CALD1: variants seen among roughly 807,000 people sequenced by gnomAD.
CALD1 encodes caldesmon 1.
In CALD1, 33 loss-of-function variants were observed where a neutral mutation model predicts 99.9. The observed-to-expected ratio is 0.33, with a 90% CI of 0.25 to 0.44. The LOEUF is 0.44. Among genes scored for constraint, CALD1 ranks in the 20% least tolerant of loss-of-function variants. The pLI is 1.00. For missense variants in CALD1, 861 were observed against 962.1 expected, an observed-to-expected ratio of 0.89 and a Z score of 1.39; for synonymous variants, 310 against 325.0, an observed-to-expected ratio of 0.95 and a Z score of 0.50.
the CALD1 span, among the ~76,000 whole-genome samples, chr7:134,735,722 G>A: frequency 2.0e-5 from 3 of 152,172 alleles, no homozygotes; most frequent in Admixed American, 6.5e-5. Context: ...TCCTATTGCC[G>A]TAAGGGCAAT....
chr7:134,775,313 T>C (rs7785629), upstream of CALD1, among the ~76,000 whole-genome samples: 88,880 of 152,068 alleles, frequency 0.58, 27,104 homozygotes, highest in East Asian at 0.88. Context: ...ATTAGAATTG[T>C]TCTATAAAAA....
chr7:134,818,462 T>G (rs1259013642), intron 1 of CALD1, among the ~76,000 whole-genome samples: 2 of 152,226 alleles, frequency 1.3e-5, no homozygotes, highest in East Asian at 1.9e-4. Flanking sequence ...ATTTTTCATT[T>G]ACTTCTCTGT....
Position 134,969,308 on chromosome 7 carries a change from A to G in CALD1, c.*963A>G, listed in dbSNP as rs1159858439. The G allele has an allele frequency of 6.6e-6, 1 of 152,226 alleles. No individual in the cohort carries two copies. The highest frequency in any genetic ancestry group is 2.4e-5 in the African/African-American group (1 of 41,458). 9.4% of individuals were successfully genotyped at this position (152,226 alleles called of 1,614,324 possible). A position where few individuals can be genotyped will look rare whatever the true frequency, so the allele number is the denominator to read the frequency against. ...AAGGAGTTGAAATTTTCTAAAAGACATAGTATTTAGTTTATAATTAAATGC... is the reference window on the plus strand; with the variant it reads ...AAGGAGTTGAAATTTTCTAAAAGACGTAGTATTTAGTTTATAATTAAATGC... On this transcript the variant is annotated 3_prime_UTR_variant, in exon 15 of 15. Coordinates refer to ENST00000361675, the MANE Select transcript of CALD1 (RefSeq NM_033138.4).
At chr7:134,881,925 G>A in intron 3 of CALD1, among the ~76,000 whole-genome samples, 1 of 152,154 alleles carries the variant, frequency 6.6e-6, no homozygotes, top group Admixed American at 6.6e-5. Context: ...CCAATCAGAA[G>A]GAAACTGTGC....
At chr7:134,816,135 A>AC (rs1400464442) in intron 1 of CALD1, among the ~76,000 whole-genome samples, 1 of 152,174 alleles carries the variant, frequency 6.6e-6, no homozygotes. Context: ...CAGCTTTAAA[A>AC]TTTTATTTTT....
At chr7:134,794,977 T>G (rs1254740252) in intron 1 of CALD1, among the ~76,000 whole-genome samples, 2 of 152,144 alleles carry the variant, frequency 1.3e-5, no homozygotes, top group Non-Finnish European at 2.9e-5. Flanking sequence ...AACTTGAAAA[T>G]GAGAAAGGAA....
At chr7:134,939,954 ACT>A (rs1257107158) in intron 6 of CALD1, among the ~76,000 whole-genome samples, 1 of 151,568 alleles carries the variant, frequency 6.6e-6, no homozygotes, top group African/African-American at 2.4e-5. Flanking sequence ...ACAGAGCAAG[ACT>A]CTGTCTCTTA....
intron 1 of CALD1, among the ~76,000 whole-genome samples, chr7:134,793,319 A>G (rs973730409): frequency 6.6e-6 from 1 of 152,098 alleles, no homozygotes; most frequent in Admixed American, 6.5e-5. Context: ...GCCTACACAT[A>G]TTTGCGCTCT....
intron 1 of CALD1, among the ~76,000 whole-genome samples, chr7:134,765,283 C>T (rs1672372458): frequency 6.7e-6 from 1 of 149,364 alleles, no homozygotes; most frequent in African/African-American, 2.5e-5. Flanking sequence ...CACTGTACTC[C>T]AGCCTGGATG....
chr7:134,721,748 T>C, the CALD1 span, among the ~76,000 whole-genome samples: 1 of 152,180 alleles, frequency 6.6e-6, no homozygotes, highest in Non-Finnish European at 1.5e-5. Context: ...ATGGTATTCC[T>C]TGCAACATTA....
At chr7:134,937,498 C>T (rs867069746) in intron 6 of CALD1, among the ~76,000 whole-genome samples, 3 of 152,110 alleles carry the variant, frequency 2.0e-5, no homozygotes, top group Non-Finnish European at 4.4e-5. Context: ...ATACTGTGTA[C>T]ATAACCTGCT....
At position 134,933,024 on chromosome 7, in the gene CALD1, C is replaced by T. The variant is rs1046037633; in HGVS notation, c.255C>T (p.Asn85=). ...AGGAGGCCAAGACAACCACCACAAACACTCAAGTGGAAGGGGATGATGAGG... is the reference window on the plus strand; with the variant it reads ...AGGAGGCCAAGACAACCACCACAAATACTCAAGTGGAAGGGGATGATGAGG... The part of the protein sequence containing the change: ...PDEEAKTTTT[N]TQVEGDDEAA... The change falls in exon 5 of 15, where the codon AAC becomes AAT. Residue 85 remains asparagine, a synonymous_variant. Coordinates refer to ENST00000361675, the MANE Select transcript of CALD1 (RefSeq NM_033138.4). 2 of 1,612,754 alleles carry T rather than the reference C, an allele frequency of 1.2e-6. No homozygotes were observed. The highest frequency in any genetic ancestry group is 1.3e-5 in the African/African-American group (1 of 74,824).
intron 1 of CALD1, chr7:134,744,480 T>A (rs1796617754): frequency 6.6e-6 from 1 of 151,886 alleles, no homozygotes; most frequent in African/African-American, 2.4e-5. Context: ...TGTGTGTGTG[T>A]GTGTGTACAT....
intron 3 of CALD1, among the ~76,000 whole-genome samples, chr7:134,927,424 C>T (rs1207713672): frequency 2.0e-5 from 3 of 151,324 alleles, no homozygotes; most frequent in African/African-American, 7.3e-5. Context: ...TGGTGGTGTG[C>T]ACCCATAGTC....
At chr7:134,910,914 G>T (rs182953720) in intron 3 of CALD1, among the ~76,000 whole-genome samples, 1 of 152,158 alleles carries the variant, frequency 6.6e-6, no homozygotes. Flanking sequence ...GCAAAGAAAT[G>T]CATTAAAACA....
the CALD1 span, among the ~76,000 whole-genome samples, chr7:134,728,751 T>C: frequency 6.6e-6 from 1 of 152,164 alleles, no homozygotes; most frequent in African/African-American, 2.4e-5. Context: ...TCCCTATCGT[T>C]CTATCCCTTG....
intron 1 of CALD1, among the ~76,000 whole-genome samples, chr7:134,807,409 CA>C (rs1235402581): frequency 6.6e-6 from 1 of 152,120 alleles, no homozygotes; most frequent in Non-Finnish European, 1.5e-5. Flanking sequence ...TTACTAGCTA[CA>C]GGGGGCCTTT....
At chr7:134,832,153 A>G (rs1799255494) in intron 1 of CALD1, among the ~76,000 whole-genome samples, 1 of 152,214 alleles carries the variant, frequency 6.6e-6, no homozygotes. Flanking sequence ...TTCTTCCAGC[A>G]GAGAGTACCC....
intron 3 of CALD1, among the ~76,000 whole-genome samples, chr7:134,923,831 T>C (rs1804789819): frequency 6.6e-6 from 1 of 152,212 alleles, no homozygotes; most frequent in Admixed American, 6.5e-5. Flanking sequence ...GCCTTTAAAA[T>C]GAGCATACTC....
Sources: gnomAD v4.1 joint callset for allele counts (sites outside exome capture counted in the v4.1 genomes callset) on GRCh38, gnomAD v4.1.1 for gene constraint, MANE v1.5 for transcripts, NCBI Gene and HGNC (gene_info 2026-07-23, HGNC 2026-07-21) for gene names.